The following NCKAP1 variants were observed in gnomAD, a reference collection of about 807,000 sequenced individuals.
NCKAP1 encodes the protein NCK associated protein 1, also known as nck-associated protein 1.
In NCKAP1, 21 loss-of-function variants were observed where a neutral mutation model predicts 151.2. The ratio of observed to expected loss-of-function variants is 0.14; its 90% confidence interval spans 0.10 to 0.20. NCKAP1 has a LOEUF of 0.20. Ranked by LOEUF, NCKAP1 falls within the 10% of genes least tolerant of loss-of-function variation. The pLI, the probability that NCKAP1 is intolerant of heterozygous loss-of-function variation, is 1.00. For synonymous variants in NCKAP1, 484 were observed against 451.8 expected, an observed-to-expected ratio of 1.07 and a Z score of -0.90; for missense variants, 933 against 1,352.1, an observed-to-expected ratio of 0.69 and a Z score of 4.86.
Position 182,956,688 on chromosome 2 carries a change from T to C in NCKAP1, c.2022-95A>G, listed in dbSNP as rs373379433. On this transcript the variant is annotated intron_variant, in intron 19 of 30. Transcript: ENST00000361354. ...ATATATCAACCTTATTTGGAGATAATGCTTAGAGAATTCGACTTTTTATTC... is the reference window on the plus strand; with the variant it reads ...ATATATCAACCTTATTTGGAGATAACGCTTAGAGAATTCGACTTTTTATTC... 47 of 1,309,808 alleles carry C rather than the reference T, an allele frequency of 3.6e-5. 1 individual carries two copies. The East Asian group carries it at 4.9e-4, about 14-fold the overall frequency. The allele number at this position is 1,309,808 out of a possible 1,614,324, so 81.1% of individuals were successfully genotyped here.
At chr2:182,986,328 T>C in intron 9 of NCKAP1, 101 bp from the exon 10 acceptor site, 1 of 1,018,194 alleles carries the variant, frequency 9.8e-7, no homozygotes, top group Non-Finnish European at 1.5e-6. Flanking sequence ...ACATTATCAA[T>C]TCAGAAACTG....
In NCKAP1 at chr2:182,915,553, G is replaced by A. The variant is rs1188997695; in HGVS notation, c.*10149C>T. The stretch of plus-strand genomic sequence containing the variant: ...TGAGCCTTATTGGTCCTCCCTGTAC[G>A]ATCAGCTGCGAAAGAACTGCCAGTG... On this transcript the variant is annotated 3_prime_UTR_variant, in exon 31 of 31. Transcript: ENST00000361354. 3 of 152,130 alleles carry A rather than the reference G, an allele frequency of 2.0e-5. No individual in the cohort carries two copies. Among genetic ancestry groups the A allele is most frequent in the African/African-American group, 4.8e-5 (2 of 41,412 alleles). The allele number at this position is 152,130 out of a possible 1,614,324, so 9.4% of individuals were successfully genotyped here. A position where few individuals can be genotyped will look rare whatever the true frequency, so the allele number is the denominator to read the frequency against.
chr2:182,982,957 T>C (rs373213078), intron 11 of NCKAP1, 30 bp from the exon 12 acceptor site: 6 of 1,498,974 alleles, frequency 4.0e-6, no homozygotes, highest in Admixed American at 4.2e-5. Flanking sequence ...TGTTTATTCT[T>C]ATTCAAAGAT....
chr2:182,972,198 T>C (rs1370519166), intron 15 of NCKAP1, among the ~76,000 whole-genome samples: 2 of 68,244 alleles, frequency 2.9e-5, no homozygotes, highest in South Asian at 4.6e-4. Flanking sequence ...AATCAGAATA[T>C]ATAAGGAACT....
chr2:182,947,558 C>T (rs1308056183), intron 23 of NCKAP1, among the ~76,000 whole-genome samples: 1 of 152,174 alleles, frequency 6.6e-6, no homozygotes, highest in Non-Finnish European at 1.5e-5. Context: ...AGAAATACTT[C>T]ACTATCTTTT....
At chr2:182,959,314 G>A (rs16823896) in intron 18 of NCKAP1, among the ~76,000 whole-genome samples, 1 of 151,956 alleles carries the variant, frequency 6.6e-6, no homozygotes, top group Non-Finnish European at 1.5e-5. Flanking sequence ...CTTCACAAGA[G>A]ACAGAGCTAC....
intron 18 of NCKAP1, among the ~76,000 whole-genome samples, chr2:182,959,927 C>T (rs1697408954): frequency 6.6e-6 from 1 of 152,154 alleles, no homozygotes. Context: ...CACAAGCATT[C>T]TTATACACCA....
In NCKAP1 at chr2:182,983,296, A is replaced by C. The variant is rs755290048; in HGVS notation, c.1091T>G (p.Leu364Arg). The C allele has an allele frequency of 1.2e-6, 2 of 1,604,366 alleles. No homozygotes were observed. The highest frequency in any genetic ancestry group is 2.7e-5 in the African/African-American group (2 of 74,684). ...AATTAAATGAATTACCTTGGGACCT[A>C]GCAATCCAGGTTGATCAGAGAGGAC... is the stretch of plus-strand genomic sequence containing the variant. ...ATVLSDQPGLLGPKALFVFMA... is the reference protein window; with the variant it reads ...ATVLSDQPGLRGPKALFVFMA... Residue 364 changes from leucine (L) to arginine (R), a missense_variant, in exon 11 of 31, where the codon CTA becomes CGA. Physicochemically the swap from Leu to Arg is moderately radical, Grantham distance 102. Coordinates refer to ENST00000361354, the MANE Select transcript of NCKAP1 (RefSeq NM_013436.5).
chr2:183,016,760 TTTG>T (rs1445168379), intron 2 of NCKAP1, among the ~76,000 whole-genome samples: 2 of 152,132 alleles, frequency 1.3e-5, no homozygotes, highest in African/African-American at 4.8e-5. Context: ...GTGATTGTTT[TTTG>T]TTTTGTTCTG....
At chr2:182,977,092 T>C (rs1043291915) in intron 14 of NCKAP1, 141 bp from the exon 15 acceptor site, 1 of 482,192 alleles carries the variant, frequency 2.1e-6, no homozygotes, top group Non-Finnish European at 3.6e-6. Context: ...CTTAAAGAGA[T>C]ATATGTACAC....
chr2:183,032,607 A>C (rs960327130), intron 1 of NCKAP1, among the ~76,000 whole-genome samples: 4 of 152,228 alleles, frequency 2.6e-5, no homozygotes, highest in Non-Finnish European at 5.9e-5. Flanking sequence ...GTGTTATCTT[A>C]TGGGACTACT....
chr2:182,938,049 C>G (rs1181012753), intron 24 of NCKAP1, among the ~76,000 whole-genome samples: 1 of 152,222 alleles, frequency 6.6e-6, no homozygotes, highest in African/African-American at 2.4e-5. Context: ...ACTGCTGGGC[C>G]TCAGCCCCAG....
Position 182,923,806 on chromosome 2 carries a change from T to C in NCKAP1, c.*1896A>G, listed in dbSNP as rs1398008448. Reference sequence around the variant, plus strand: ...TTACTTTTAACTTTTTCCTCCAAGTTACCTTTGCCACGCCTCCTCCCCCGC... The same window carrying C: ...TTACTTTTAACTTTTTCCTCCAAGTCACCTTTGCCACGCCTCCTCCCCCGC... On this transcript the variant is annotated 3_prime_UTR_variant, in exon 31 of 31. Coordinates refer to ENST00000361354, the MANE Select transcript of NCKAP1 (RefSeq NM_013436.5). 6.6e-6 allele frequency: 1 copy of C among 152,192 alleles called. No individual in the cohort carries two copies. The highest frequency in any genetic ancestry group is 1.9e-4 in the East Asian group (1 of 5,192). 9.4% of individuals were successfully genotyped at this position (152,192 alleles called of 1,614,324 possible). A position where few individuals can be genotyped will look rare whatever the true frequency, so the allele number is the denominator to read the frequency against.
chr2:182,927,099 A>G (rs1021800108), intron 29 of NCKAP1, 194 bp from the exon 30 acceptor site: 34 of 460,198 alleles, frequency 7.4e-5, no homozygotes, highest in Non-Finnish European at 1.1e-4. Flanking sequence ...GCACAAAGAG[A>G]CACTAACATA....
In NCKAP1 at chr2:182,923,804, G is replaced by C. The variant is rs1170192437; in HGVS notation, c.*1898C>G. ...ATTTACTTTTAACTTTTTCCTCCAA[G>C]TTACCTTTGCCACGCCTCCTCCCCC... On this transcript the variant is annotated 3_prime_UTR_variant, in exon 31 of 31. Coordinates refer to ENST00000361354, the MANE Select transcript of NCKAP1 (RefSeq NM_013436.5). 3 of 152,140 alleles carry C rather than the reference G, an allele frequency of 2.0e-5. No homozygotes were observed. Among genetic ancestry groups the C allele is most frequent in the African/African-American group, 7.2e-5 (3 of 41,436 alleles). The allele number at this position is 152,140 out of a possible 1,614,324, so 9.4% of individuals were successfully genotyped here.
At chr2:183,037,872 C>G (rs1210596533) in intron 1 of NCKAP1, 120 bp downstream of exon 1, 2 of 713,112 alleles carry the variant, frequency 2.8e-6, no homozygotes, top group Non-Finnish European at 4.2e-6. Context: ...GGGCCTCGGG[C>G]GGCGACGCCG....
intron 6 of NCKAP1, 149 bp downstream of exon 6, chr2:183,001,804 C>T (rs999534254): frequency 1.6e-6 from 1 of 643,898 alleles, no homozygotes; most frequent in Non-Finnish European, 2.7e-6. Flanking sequence ...AATTAGTTCC[C>T]TGTCTATAAT....
chr2:183,032,663 T>C (rs1047729554), intron 1 of NCKAP1, among the ~76,000 whole-genome samples: 1 of 152,264 alleles, frequency 6.6e-6, no homozygotes. Flanking sequence ...AATATCATTA[T>C]GCAGAATGAC....
At chr2:182,946,714 T>TA (rs933260020) in intron 23 of NCKAP1, among the ~76,000 whole-genome samples, 2 of 48,050 alleles carry the variant, frequency 4.2e-5, no homozygotes, top group Non-Finnish European at 8.7e-5. Context: ...AAGTCAGAGG[T>TA]AAAAAAATAA....
Sources: gnomAD v4.1 joint callset for allele counts (sites outside exome capture counted in the v4.1 genomes callset) on GRCh38, gnomAD v4.1.1 for gene constraint, MANE v1.5 for transcripts, NCBI Gene and HGNC (gene_info 2026-07-23, HGNC 2026-07-21) for gene names.